Variants in ANXA8 observed in about 807,000 individuals in gnomAD.
The protein encoded by ANXA8 is annexin A8, also known as VAC-beta.
ANXA8 carries 9 observed loss-of-function variants against 26.8 expected under a neutral mutation model. The ratio of observed to expected loss-of-function variants is 0.34; its 90% CI spans 0.20 to 0.59. The LOEUF is 0.59. Among genes scored for constraint, ANXA8 ranks in the 20% least tolerant of loss-of-function variants. The probability of loss-of-function intolerance (pLI) is 0.84; values close to 1 mark genes in which losing one functional copy is unlikely to be tolerated. For missense variants in ANXA8, 83 were observed against 238.5 expected (o/e 0.35, Z 4.29); for synonymous variants, 39 against 94.8 (o/e 0.41, Z 3.42).
the ANXA8 span, among the ~76,000 whole-genome samples, chr10:47,552,703 T>A: frequency 6.6e-6 from 1 of 151,956 alleles, no homozygotes; most frequent in Non-Finnish European, 1.5e-5. Context: ...TGAGTTTTTT[T>A]GGAATATCGG....
At chr10:47,987,040 G>C in the ANXA8 span, 2 of 522,462 alleles carry the variant, frequency 3.8e-6, no homozygotes, top group Non-Finnish European at 3.7e-6. Context: ...GGGGAGCACA[G>C]GCAGCCCGGG....
the ANXA8 span, among the ~76,000 whole-genome samples, chr10:47,572,288 C>A: frequency 6.9e-6 from 1 of 145,122 alleles, no homozygotes; most frequent in East Asian, 2.0e-4. Context: ...GATGTCTCCA[C>A]CCTTCTCATC....
chr10:47,664,737 C>T, the ANXA8 span, among the ~76,000 whole-genome samples: 1 of 145,740 alleles, frequency 6.9e-6, no homozygotes, highest in Admixed American at 6.9e-5. Context: ...TTTGTTGTTG[C>T]TTATTTTTGA....
chr10:47,503,827 G>A, the ANXA8 span, among the ~76,000 whole-genome samples: 108 of 120,304 alleles, frequency 9.0e-4, no homozygotes, highest in African/African-American at 3.6e-3. Context: ...CCAGTTACTC[G>A]GGAGGCTGAG....
chr10:47,505,833 T>G, the ANXA8 span, among the ~76,000 whole-genome samples: 1 of 111,354 alleles, frequency 9.0e-6, no homozygotes, highest in Non-Finnish European at 1.8e-5. Context: ...AGTGACAGAG[T>G]GAAACTCGGT....
At chr10:47,940,884 T>C in the ANXA8 span, among the ~76,000 whole-genome samples, 1 of 119,450 alleles carries the variant, frequency 8.4e-6, no homozygotes, top group African/African-American at 3.5e-5. Flanking sequence ...TTAAGCTCAA[T>C]AAAAAGAGAG....
At chr10:47,721,081 A>G in the ANXA8 span, among the ~76,000 whole-genome samples, 15 of 141,680 alleles carry the variant, frequency 1.1e-4, 1 homozygote, top group African/African-American at 3.3e-4. Context: ...CAGGAGATCA[A>G]TTGTTACAGT....
At chr10:47,709,522 C>G in the ANXA8 span, among the ~76,000 whole-genome samples, 1 of 149,736 alleles carries the variant, frequency 6.7e-6, no homozygotes, top group Non-Finnish European at 1.5e-5. Flanking sequence ...AAAAATGAGA[C>G]AGGAAAGAGA....
chr10:47,483,179 G>C lies in ANXA8; in HGVS notation c.21+734C>G, dbSNP rs1426659260. Among the ~76,000 whole-genome samples, 92 of 151,306 alleles carry C rather than the reference G, an allele frequency of 6.1e-4. 1 individual carries two copies. Among genetic ancestry groups the C allele is most frequent in the African/African-American group, 2.2e-3 (90 of 40,906 alleles). ...TGGGGATGGGCTGCCCTGAGCCCCGGGTTCCTCCAGGCTCTAGCAGGCCAG... is the reference window on the plus strand; with the variant it reads ...TGGGGATGGGCTGCCCTGAGCCCCGCGTTCCTCCAGGCTCTAGCAGGCCAG... On this transcript the variant is annotated intron_variant, in intron 1 of 11. Transcript: ENST00000585281.
the ANXA8 span, among the ~76,000 whole-genome samples, chr10:47,587,438 G>T: frequency 7.9e-3 from 1,116 of 141,786 alleles, 11 homozygotes; most frequent in African/African-American, 0.033. Context: ...ATAACTAGTT[G>T]GTGCTGACAG....
chr10:47,585,263 C>CAAAAAAAA, the ANXA8 span, among the ~76,000 whole-genome samples: 11 of 43,592 alleles, frequency 2.5e-4, no homozygotes, highest in African/African-American at 4.7e-4. Flanking sequence ...GACTCCATCT[C>CAAAAAAAA]AAAAAAAAAA....
chr10:47,969,343 G>C, the ANXA8 span, among the ~76,000 whole-genome samples: 28 of 151,270 alleles, frequency 1.9e-4, no homozygotes, highest in Non-Finnish European at 3.3e-4. Flanking sequence ...GCCTGTGCTA[G>C]TTTTCTGTTG....
the ANXA8 span, among the ~76,000 whole-genome samples, chr10:47,955,273 CT>C: frequency 0.15 from 21,124 of 140,414 alleles, 73 homozygotes; most frequent in Non-Finnish European, 0.21. Context: ...TCCATTAAAT[CT>C]TTTTTTTTTT....
chr10:47,686,965 A>G, the ANXA8 span, among the ~76,000 whole-genome samples: 5,007 of 143,684 alleles, frequency 0.035, 233 homozygotes, highest in African/African-American at 0.12. Context: ...GTAGCTGAGC[A>G]TGACAGTATG....
At chr10:47,530,406 G>A in the ANXA8 span, among the ~76,000 whole-genome samples, 1 of 149,340 alleles carries the variant, frequency 6.7e-6, no homozygotes, top group Non-Finnish European at 1.5e-5. Context: ...AGAATAAACA[G>A]GCCAGGCGCG....
At chr10:47,659,368 C>T in the ANXA8 span, among the ~76,000 whole-genome samples, 1 of 151,668 alleles carries the variant, frequency 6.6e-6, no homozygotes, top group African/African-American at 2.4e-5. Context: ...GAAAATATTT[C>T]CTTTGCAGCC....
At chr10:47,660,361 A>G in the ANXA8 span, among the ~76,000 whole-genome samples, 1 of 150,758 alleles carries the variant, frequency 6.6e-6, no homozygotes, top group Admixed American at 6.6e-5. Context: ...CTTGCCTGTA[A>G]TCAGGTTCAG....
the ANXA8 span, among the ~76,000 whole-genome samples, chr10:47,666,325 T>A: frequency 6.6e-6 from 1 of 150,660 alleles, no homozygotes; most frequent in Admixed American, 6.6e-5. Flanking sequence ...AATTATTTGA[T>A]ATGAAAAAGG....
chr10:47,573,563 AG>A, the ANXA8 span, among the ~76,000 whole-genome samples: 2 of 129,986 alleles, frequency 1.5e-5, no homozygotes, highest in African/African-American at 3.0e-5. Flanking sequence ...GGTTAAACAA[AG>A]TTTTACTGAC....
Sources: allele counts gnomAD v4.1 joint callset (sites outside exome capture counted in the v4.1 genomes callset), GRCh38; gene constraint gnomAD v4.1.1; transcripts MANE v1.5; gene names NCBI Gene and HGNC (gene_info 2026-07-23, HGNC 2026-07-21).